The following CISD1 variants were observed in gnomAD, a reference collection of about 807,000 sequenced individuals.
CISD1 encodes CDGSH iron sulfur domain 1.
CISD1 carries 8 observed loss-of-function variants against 12.0 expected under a neutral mutation model. The observed-to-expected ratio is 0.67, with a 90% CI of 0.39 to 1.20. The LOEUF is 1.20. Among genes scored for constraint, CISD1 ranks in the 50% most tolerant of loss-of-function variants. CISD1 has a pLI of 0.01. For missense variants in CISD1, 107 were observed against 132.7 expected (o/e 0.81, Z 0.95); for synonymous variants, 38 against 42.2 (o/e 0.90, Z 0.39).
intron 1 of CISD1, among the ~76,000 whole-genome samples, chr10:58,270,650 A>T (rs1053794064): frequency 6.6e-6 from 1 of 152,184 alleles, no homozygotes; most frequent in Non-Finnish European, 1.5e-5. Flanking sequence ...TGAAATGTGA[A>T]ACGGGTGAAC....
chr10:58,283,798 G>T (rs1839398605), intron 2 of CISD1, among the ~76,000 whole-genome samples: 1 of 152,088 alleles, frequency 6.6e-6, no homozygotes, highest in Admixed American at 6.5e-5. Flanking sequence ...TTTGGGATTT[G>T]TAGTGTTCAA....
chr10:58,271,336 G>A (rs1023935407), intron 1 of CISD1, among the ~76,000 whole-genome samples: 2 of 152,112 alleles, frequency 1.3e-5, no homozygotes, highest in Non-Finnish European at 2.9e-5. Context: ...CACCGCGCCC[G>A]GCCGACTATT....
chr10:58,284,634 G>A (rs1382277604), intron 2 of CISD1, among the ~76,000 whole-genome samples: 2 of 152,060 alleles, frequency 1.3e-5, no homozygotes, highest in Non-Finnish European at 1.5e-5. Flanking sequence ...AGGCAGAATT[G>A]GGTGATGAGA....
intron 2 of CISD1, among the ~76,000 whole-genome samples, chr10:58,280,001 A>G (rs544830096): frequency 6.7e-4 from 102 of 152,342 alleles, no homozygotes; most frequent in African/African-American, 2.3e-3. Context: ...CTTAATTAAA[A>G]AAACATCACA....
At chr10:58,277,343 A>T in intron 2 of CISD1, 21 bp downstream of exon 2, 3 of 1,456,546 alleles carry the variant, frequency 2.1e-6, no homozygotes, top group Non-Finnish European at 2.8e-6. Context: ...CAATTCCTTC[A>T]TACAGTACCA....
At chr10:58,287,450 G>T in intron 2 of CISD1, 111 bp from the exon 3 acceptor site, 1 of 657,424 alleles carries the variant, frequency 1.5e-6, no homozygotes, top group Non-Finnish European at 2.5e-6. Flanking sequence ...GCCTATATAA[G>T]ATAGCCAAGA....
intron 1 of CISD1, among the ~76,000 whole-genome samples, chr10:58,270,633 A>G (rs935895596): frequency 1.3e-5 from 2 of 152,234 alleles, no homozygotes; most frequent in Non-Finnish European, 2.9e-5. Context: ...TTTAGGTTGC[A>G]TATTATTGAA....
At chr10:58,280,004 AC>A (rs749773446) in intron 2 of CISD1, among the ~76,000 whole-genome samples, 16 of 152,354 alleles carry the variant, frequency 1.1e-4, no homozygotes, top group African/African-American at 1.7e-4. Flanking sequence ...AATTAAAAAA[AC>A]ATCACATCTT....
At chr10:58,269,393 A>G (rs1588978368) in intron 1 of CISD1, 89 bp downstream of exon 1, 3 of 1,219,774 alleles carry the variant, frequency 2.5e-6, no homozygotes, top group Non-Finnish European at 3.5e-6. Flanking sequence ...CCACTGCCCT[A>G]CGCGCCCGCC....
At chr10:58,272,641 G>T (rs778028092) in intron 1 of CISD1, among the ~76,000 whole-genome samples, 5 of 152,212 alleles carry the variant, frequency 3.3e-5, no homozygotes, top group Non-Finnish European at 5.9e-5. Flanking sequence ...TAAGAGGGCT[G>T]GGTGCGGTGG....
Position 58,277,323 on chromosome 10 carries a change from G to A in CISD1, c.237+1G>A. The A allele has an allele frequency of 6.4e-7, 1 of 1,570,542 alleles. No individual in the cohort carries two copies. On this transcript the variant is annotated splice_donor_variant, in intron 2 of 2. Transcript: ENST00000333926. LOFTEE classifies it high-confidence loss of function. ...CTGCCGTTGTTGGAGGTCCAAAAAGGTGAGGAAAGCAATTCCTTCATACAG... is the reference window on the plus strand; with the variant it reads ...CTGCCGTTGTTGGAGGTCCAAAAAGATGAGGAAAGCAATTCCTTCATACAG...
intron 2 of CISD1, among the ~76,000 whole-genome samples, chr10:58,278,008 A>G (rs1252827570): frequency 6.6e-6 from 1 of 152,194 alleles, no homozygotes; most frequent in Non-Finnish European, 1.5e-5. Flanking sequence ...ATCTAACAAT[A>G]TAGGATCCTA....
chr10:58,276,566 G>A (rs1839317305), intron 1 of CISD1, among the ~76,000 whole-genome samples: 1 of 151,652 alleles, frequency 6.6e-6, no homozygotes, highest in South Asian at 2.1e-4. Flanking sequence ...GTTTTGTTTT[G>A]TTTATCTGTT....
chr10:58,273,039 C>A (rs1378941514), intron 1 of CISD1, among the ~76,000 whole-genome samples: 1 of 152,006 alleles, frequency 6.6e-6, no homozygotes. Context: ...CTGAAATGGT[C>A]CATAATAAAG....
chr10:58,271,257 C>T (rs1401737036), intron 1 of CISD1, among the ~76,000 whole-genome samples: 2 of 30 alleles, frequency 0.067, no homozygotes, highest in East Asian at 0.33. Flanking sequence ...GCCGGGATGG[C>T]TCTCGATCTC....
At chr10:58,280,822 GAAC>G (rs1472134330) in intron 2 of CISD1, among the ~76,000 whole-genome samples, 2 of 152,208 alleles carry the variant, frequency 1.3e-5, no homozygotes, top group Non-Finnish European at 2.9e-5. Flanking sequence ...ATCTGGTACT[GAAC>G]ATTGGCCTGT....
intron 2 of CISD1, among the ~76,000 whole-genome samples, chr10:58,286,456 A>G (rs1457375008): frequency 2.0e-5 from 3 of 152,212 alleles, no homozygotes; most frequent in Non-Finnish European, 4.4e-5. Flanking sequence ...AGTGTGCTCT[A>G]CAGAAAACTA....
intron 2 of CISD1, among the ~76,000 whole-genome samples, chr10:58,284,525 A>G (rs1839407801): frequency 6.6e-6 from 1 of 152,234 alleles, no homozygotes; most frequent in South Asian, 2.1e-4. Context: ...ATCGCATGAA[A>G]GTTTATTAAC....
At chr10:58,287,390 T>A (rs1839440599) in intron 2 of CISD1, among the ~76,000 whole-genome samples, 171 bp from the exon 3 acceptor site, 2 of 152,220 alleles carry the variant, frequency 1.3e-5, no homozygotes, top group Admixed American at 6.5e-5. Context: ...CAAGTCAATT[T>A]CTTCATCTTA....
Sources: allele counts gnomAD v4.1 joint callset (sites outside exome capture counted in the v4.1 genomes callset), GRCh38; gene constraint gnomAD v4.1.1; transcripts MANE v1.5; gene names NCBI Gene and HGNC (gene_info 2026-07-23, HGNC 2026-07-21).